Variants in CHST12 observed in about 807,000 individuals in gnomAD.
CHST12 encodes the protein carbohydrate sulfotransferase 12.
A neutral mutation model predicts 27.9 loss-of-function variants in CHST12; 23 were observed. That is an observed-to-expected ratio of 0.82 (90% CI 0.59 to 1.17). CHST12 has a LOEUF of 1.17. Among genes scored for constraint, CHST12 ranks in the 50% most tolerant of loss-of-function variants. The probability of loss-of-function intolerance (pLI) is 0.00; values close to 1 mark genes in which losing one functional copy is unlikely to be tolerated. For synonymous variants in CHST12, 322 were observed against 273.0 expected, an observed-to-expected ratio of 1.18 and a Z score of -1.77; for missense variants, 682 against 603.0, an observed-to-expected ratio of 1.13 and a Z score of -1.37.
chr7:2,425,338 A>G (rs1311852042), intron 1 of CHST12, among the ~76,000 whole-genome samples: 1 of 152,036 alleles, frequency 6.6e-6, no homozygotes, highest in African/African-American at 2.4e-5. Context: ...GGTGAGTGCC[A>G]GGAGAGAGGG....
rs939531347 is a variant in CHST12 at position 2,441,407 on chromosome 7, A to T, written c.*7523A>T. ...ACTCGTTTAAATAGTAATGATAAGAATATGGCTGCAGGGGGCAGCTTATGC... is the reference window on the plus strand; with the variant it reads ...ACTCGTTTAAATAGTAATGATAAGATTATGGCTGCAGGGGGCAGCTTATGC... On this transcript the variant is annotated 3_prime_UTR_variant, in exon 2 of 2. Transcript: ENST00000618655. 2.6e-5 allele frequency: 4 copies of T among 152,212 alleles called. No individual in the cohort carries two copies. The highest frequency in any genetic ancestry group is 9.6e-5 in the African/African-American group (4 of 41,452). 9.4% of individuals were successfully genotyped at this position (152,212 alleles called of 1,614,324 possible).
intron 1 of CHST12, among the ~76,000 whole-genome samples, chr7:2,409,331 C>A (rs1002274767): frequency 6.6e-6 from 1 of 152,038 alleles, no homozygotes. Flanking sequence ...AATTATGGAG[C>A]GGGTAGGGCG....
rs1206041724 is a variant in CHST12, at chr7:2,436,579, G to C, written c.*2695G>C. On this transcript the variant is annotated 3_prime_UTR_variant, in exon 2 of 2. Coordinates refer to ENST00000618655, the MANE Select transcript of CHST12 (RefSeq NM_018641.5). Reference sequence around the variant, plus strand: ...TGTGAATTGAATGCTGCTGTGAACAGGGTGTCAGTGAATCTGCTGAGGGCT... The same window carrying C: ...TGTGAATTGAATGCTGCTGTGAACACGGTGTCAGTGAATCTGCTGAGGGCT... 6.6e-6 allele frequency: 1 copy of C among 152,232 alleles called. No individual in the cohort carries two copies. The highest frequency in any genetic ancestry group is 2.4e-5 in the African/African-American group (1 of 41,464). The allele number at this position is 152,232 out of a possible 1,614,324, so 9.4% of individuals were successfully genotyped here.
chr7:2,412,019 A>G (rs568805793), intron 1 of CHST12, among the ~76,000 whole-genome samples: 3 of 152,260 alleles, frequency 2.0e-5, no homozygotes, highest in African/African-American at 7.2e-5. Context: ...GGGAAGGAAG[A>G]GAACAGGGTG....
At chr7:2,409,302 A>C (rs1781603772) in intron 1 of CHST12, among the ~76,000 whole-genome samples, 1 of 152,184 alleles carries the variant, frequency 6.6e-6, no homozygotes, top group South Asian at 2.1e-4. Context: ...GGCAGACATT[A>C]AAAGAATTAG....
At chr7:2,424,202 A>T (rs951831874) in intron 1 of CHST12, among the ~76,000 whole-genome samples, 6 of 152,170 alleles carry the variant, frequency 3.9e-5, no homozygotes, top group African/African-American at 1.2e-4. Flanking sequence ...GAATAATTTT[A>T]AAAATGAGCC....
intron 1 of CHST12, 44 bp from the exon 2 acceptor site, chr7:2,432,519 C>T (rs1180258739): frequency 8.6e-7 from 1 of 1,158,380 alleles, no homozygotes; most frequent in African/African-American, 1.5e-5. Flanking sequence ...AGTCAGAGCC[C>T]CAGTGCACCT....
rs946553655 is a variant in CHST12 at position 2,434,573 on chromosome 7, C to T, written c.*689C>T. ...CCTGGCCAACATGGTGAAACCCTGT[C>T]TCTACTAAAAAAAAAAAAAAAAAAA... On this transcript the variant is annotated 3_prime_UTR_variant, in exon 2 of 2. Transcript: ENST00000618655. 1 of 64,104 alleles carries T rather than the reference C, an allele frequency of 1.6e-5. No individual in the cohort carries two copies. The highest frequency in any genetic ancestry group is 3.1e-5 in the Non-Finnish European group (1 of 32,120). 4.0% of individuals were successfully genotyped at this position (64,104 alleles called of 1,614,324 possible). A position where few individuals can be genotyped will look rare whatever the true frequency, so the allele number is the denominator to read the frequency against.
chr7:2,433,022 T>A lies in CHST12; in HGVS notation c.383T>A (p.Leu128Gln). 6.2e-7 allele frequency: 1 copy of A among 1,611,282 alleles called. No individual in the cohort carries two copies. Among genetic ancestry groups the A allele is most frequent in the Non-Finnish European group, 8.5e-7 (1 of 1,179,470 alleles). ...CAGCAGGCGGAGCGGAGGAGCGTGC[T>A]GCGGGGCTTCTGCGCCAACTCCAGC... The part of the protein sequence containing the change: ...GRQQAERRSV[L>Q]RGFCANSSLA... The change falls in exon 2 of 2, where the codon CTG (leucine) becomes CAG (glutamine). Residue 128 changes from leucine to glutamine, a missense_variant. Coordinates refer to ENST00000618655, the MANE Select transcript of CHST12 (RefSeq NM_018641.5). This position sits in a 1 kb window ranked among gnomAD's most constrained non-coding sequence, Gnocchi z 6.1.
At chr7:2,420,685 G>A (rs1401490781) in intron 1 of CHST12, among the ~76,000 whole-genome samples, 2 of 152,050 alleles carry the variant, frequency 1.3e-5, no homozygotes, top group African/African-American at 4.8e-5. Flanking sequence ...TATAGTCTCA[G>A]CTACTCAGGA....
chr7:2,415,990 G>A (rs190071067), intron 1 of CHST12, among the ~76,000 whole-genome samples: 65 of 152,302 alleles, frequency 4.3e-4, no homozygotes, highest in Admixed American at 1.5e-3. Flanking sequence ...CCTGTAGCAC[G>A]TGATGCTGTT....
intron 1 of CHST12, among the ~76,000 whole-genome samples, chr7:2,424,625 C>G (rs1782059976): frequency 6.6e-6 from 1 of 152,194 alleles, no homozygotes; most frequent in African/African-American, 2.4e-5. Flanking sequence ...AGAGATCTTA[C>G]TACAGTTTTT....
rs769411909 is a variant in CHST12 at position 2,433,213 on chromosome 7, C to A, written c.574C>A (p.Arg192Ser). Residue 192 changes from arginine to serine, a missense_variant, in exon 2 of 2, where the codon CGC (arginine) becomes AGC (serine). Coordinates refer to ENST00000618655, the MANE Select transcript of CHST12 (RefSeq NM_018641.5). This position sits in a 1 kb window ranked among gnomAD's most constrained non-coding sequence, Gnocchi z 6.1. ...CGTGCTGAGCGGAAGCCTGCTGCAC[C>A]GCGGTGCGCCCTACCGCGACCCGCT... is the stretch of plus-strand genomic sequence containing the variant. ...MIVLSGSLLH[R>S]GAPYRDPLRI... The A allele has an allele frequency of 1.9e-6, 3 of 1,612,638 alleles. No homozygotes were observed. The highest frequency in any genetic ancestry group is 2.5e-6 in the Non-Finnish European group (3 of 1,179,504).
Position 2,432,575 on chromosome 7 carries a change from A to T in CHST12, c.-65A>T. The T allele has an allele frequency of 1.3e-6, 2 of 1,522,212 alleles. No individual in the cohort carries two copies. Among genetic ancestry groups the T allele is most frequent in the Non-Finnish European group, 1.8e-6 (2 of 1,127,438 alleles). The allele number at this position is 1,522,212 out of a possible 1,614,324, so 94.3% of individuals were successfully genotyped here. On this transcript the variant is annotated 5_prime_UTR_variant, in exon 2 of 2. It removes an upstream start codon present in the reference 5' UTR. Transcript: ENST00000618655. The stretch of plus-strand genomic sequence containing the variant: ...ATTGCATCTGCAGGTTCCCAGCAGG[A>T]TGCCCCGGCTCTGCAGGAAGCTGAA...
chr7:2,419,203 G>A (rs1315725064), intron 1 of CHST12, among the ~76,000 whole-genome samples: 2 of 152,138 alleles, frequency 1.3e-5, no homozygotes, highest in Non-Finnish European at 1.5e-5. Context: ...GAGCCCAGGA[G>A]TTCAAGACCA....
chr7:2,425,033 C>A (rs995245531), intron 1 of CHST12, among the ~76,000 whole-genome samples: 1 of 152,026 alleles, frequency 6.6e-6, no homozygotes, highest in Non-Finnish European at 1.5e-5. Flanking sequence ...GAGTGAAACT[C>A]CATCTCTACT....
chr7:2,433,020 G>C lies in CHST12; in HGVS notation c.381G>C (p.Val127=). 4 of 1,611,186 alleles carry C rather than the reference G, an allele frequency of 2.5e-6. No individual in the cohort carries two copies. Among genetic ancestry groups the C allele is most frequent in the South Asian group, 1.1e-5 (1 of 91,046 alleles). Residue 127 remains valine, a synonymous_variant, in exon 2 of 2, where the codon GTG becomes GTC. Coordinates refer to ENST00000618655, the MANE Select transcript of CHST12 (RefSeq NM_018641.5). This position sits in a 1 kb window ranked among gnomAD's most constrained non-coding sequence, Gnocchi z 6.1. The part of the protein sequence containing the change: ...QGRQQAERRS[V]LRGFCANSSL... ...GGCAGCAGGCGGAGCGGAGGAGCGTGCTGCGGGGCTTCTGCGCCAACTCCA... is the reference window on the plus strand; with the variant it reads ...GGCAGCAGGCGGAGCGGAGGAGCGTCCTGCGGGGCTTCTGCGCCAACTCCA...
Position 2,433,299 on chromosome 7 carries a change from G to T in CHST12, c.660G>T (p.Trp220Cys), listed in dbSNP as rs1347807624. Residue 220 changes from tryptophan to cysteine, a missense_variant, in exon 2 of 2, where the codon TGG (tryptophan) becomes TGT (cysteine). Trp to Cys is a radical substitution (Grantham distance 215, BLOSUM62 -2). Coordinates refer to ENST00000618655, the MANE Select transcript of CHST12 (RefSeq NM_018641.5). The surrounding 1 kb of genome is among the most constrained non-coding windows in gnomAD (Gnocchi z 6.1). ...ASAHLTFNKF[W>C]RRYGKLSRHL... The stretch of plus-strand genomic sequence containing the variant: ...CGCACCTGACCTTCAACAAGTTCTG[G>T]CGCCGCTACGGGAAGCTCTCCCGCC... 1.2e-6 allele frequency: 2 copies of T among 1,612,322 alleles called. No individual in the cohort carries two copies. The highest frequency in any genetic ancestry group is 1.7e-6 in the Non-Finnish European group (2 of 1,179,176).
chr7:2,406,668 A>G (rs1160841336), intron 1 of CHST12, among the ~76,000 whole-genome samples: 2 of 152,072 alleles, frequency 1.3e-5, no homozygotes, highest in Non-Finnish European at 2.9e-5. Flanking sequence ...AGCCCAAGAG[A>G]AAAGACCTAA....
Sources: allele counts gnomAD v4.1 joint callset (sites outside exome capture counted in the v4.1 genomes callset), GRCh38; gene constraint gnomAD v4.1.1; non-coding constraint Gnocchi (gnomAD v3.1); transcripts MANE v1.5; gene names NCBI Gene and HGNC (gene_info 2026-07-23, HGNC 2026-07-21).